The following TENM3 variants were observed in gnomAD, a reference collection of about 807,000 sequenced individuals.
TENM3 encodes teneurin-3.
A neutral mutation model predicts 255.1 loss-of-function variants in TENM3; 63 were observed. That is an observed-to-expected ratio of 0.25 (90% CI 0.20 to 0.30). The LOEUF (loss-of-function observed/expected upper bound fraction) is 0.30, where lower values mean the gene tolerates loss of function less well. Among genes scored for constraint, TENM3 ranks in the 10% least tolerant of loss-of-function variants. TENM3 has a pLI of 1.00. For missense variants in TENM3, 2,929 were observed against 3,461.1 expected (o/e 0.85, Z 3.86); for synonymous variants, 1,306 against 1,322.3 (o/e 0.99, Z 0.27).
At chr4:182,530,997 T>A (rs1713265736) in intron 3 of TENM3, among the ~76,000 whole-genome samples, 2 of 152,126 alleles carry the variant, frequency 1.3e-5, no homozygotes, top group South Asian at 4.1e-4. Context: ...AGTCTGTTGC[T>A]CAAGGGAGAG....
At chr4:182,147,113 G>A (rs1750022861) in intron 1 of TENM3, among the ~76,000 whole-genome samples, 2 of 152,184 alleles carry the variant, frequency 1.3e-5, no homozygotes, top group Admixed American at 1.3e-4. Flanking sequence ...CAGTTAGTAA[G>A]TTCAAGCTAC....
chr4:181,835,878 A>T, the TENM3 span, among the ~76,000 whole-genome samples: 1 of 152,184 alleles, frequency 6.6e-6, no homozygotes, highest in Non-Finnish European at 1.5e-5. Context: ...CAACAGTGGG[A>T]ACATTTTTTT....
chr4:181,553,260 AGTGTGTGT>A, the TENM3 span, among the ~76,000 whole-genome samples: 7,539 of 133,482 alleles, frequency 0.056, 246 homozygotes, highest in Non-Finnish European at 0.07. Flanking sequence ...ATAGTCATTA[AGTGTGTGT>A]GTGTGTGTGT....
In TENM3 at chr4:182,549,628, GC is replaced by G. The variant is rs542626276; in HGVS notation, c.512-51294del. 7.1e-4 allele frequency among the ~76,000 whole-genome samples: 108 copies of G among 152,208 alleles called. 1 individual carries two copies. Among genetic ancestry groups the G allele is most frequent in the African/African-American group, 2.5e-3 (103 of 41,542 alleles). On this transcript the variant is annotated intron_variant, in intron 3 of 27. Coordinates refer to ENST00000511685, the MANE Select transcript of TENM3 (RefSeq NM_001080477.4). ...AGGGCCCAGCACTTTTCACTGAGGAGCCTGCTTTTGAAGTGTTTTCTTTGCT... is the reference window on the plus strand; with the variant it reads ...AGGGCCCAGCACTTTTCACTGAGGAGCTGCTTTTGAAGTGTTTTCTTTGCT...
Position 182,381,386 on chromosome 4 carries a change from G to A in TENM3, c.511+34457G>A, listed in dbSNP as rs535018493. 2.4e-4 allele frequency among the ~76,000 whole-genome samples: 36 copies of A among 152,252 alleles called. 1 individual carries two copies. Among genetic ancestry groups the A allele is most frequent in the Admixed American group, 2.6e-4 (4 of 15,292 alleles). On this transcript the variant is annotated intron_variant, in intron 3 of 27. Transcript: ENST00000511685. ...AGACTCAGGATGTTAAGATGGTTTC[G>A]ATACTGGGATGAAGAGAAGATCAGT...
chr4:181,571,379 C>T, the TENM3 span, among the ~76,000 whole-genome samples: 66,968 of 152,002 alleles, frequency 0.44, 14,856 homozygotes, highest in Middle Eastern at 0.47. Context: ...CTCTGTTGCC[C>T]AGGCTGGAGT....
At chr4:181,652,794 CA>C in the TENM3 span, among the ~76,000 whole-genome samples, 1 of 152,062 alleles carries the variant, frequency 6.6e-6, no homozygotes, top group Non-Finnish European at 1.5e-5. Context: ...CATTCCTTTC[CA>C]CCCCCAAAAC....
At position 182,536,832 on chromosome 4, in the gene TENM3, AAGTTTAATTCATGTAATATT is replaced by A. The variant is rs1740378321; in HGVS notation, c.512-64089_512-64070del. Among the ~76,000 whole-genome samples, 4 of 152,218 alleles carry A rather than the reference AAGTTTAATTCATGTAATATT, an allele frequency of 2.6e-5. No individual in the cohort carries two copies. In the South Asian group the frequency reaches 8.3e-4, roughly 31 times the overall value. ...TGCCTCTCCTGGTGTCAGAAAGCTG[AAGTTTAATTCATGTAATATT>A]AGATATTTCATTTGTTTGTCAGATG... On this transcript the variant is annotated intron_variant, in intron 3 of 27. Coordinates refer to ENST00000511685, the MANE Select transcript of TENM3 (RefSeq NM_001080477.4).
the TENM3 span, among the ~76,000 whole-genome samples, chr4:181,763,591 C>A: frequency 1.1e-4 from 16 of 152,012 alleles, no homozygotes; most frequent in African/African-American, 3.6e-4. Flanking sequence ...GCAACAGAAC[C>A]ACACCTATCA....
chr4:182,453,675 A>G (rs192580560), intron 3 of TENM3, among the ~76,000 whole-genome samples: 64 of 152,312 alleles, frequency 4.2e-4, no homozygotes, highest in African/African-American at 1.4e-3. Flanking sequence ...TGGTTTGTGC[A>G]CAGTGCCTTT....
chr4:181,624,092 A>G, the TENM3 span, among the ~76,000 whole-genome samples: 1 of 152,212 alleles, frequency 6.6e-6, no homozygotes, highest in Admixed American at 6.5e-5. Flanking sequence ...TATCTGTCAC[A>G]TAACCAGCCT....
chr4:181,660,578 G>C, the TENM3 span, among the ~76,000 whole-genome samples: 1 of 152,078 alleles, frequency 6.6e-6, no homozygotes, highest in African/African-American at 2.4e-5. Context: ...GATATTATCT[G>C]GTAATTTAGT....
At chr4:181,974,555 G>A in the TENM3 span, among the ~76,000 whole-genome samples, 4 of 151,016 alleles carry the variant, frequency 2.6e-5, no homozygotes, top group Admixed American at 1.3e-4. Flanking sequence ...GCAACAGAGC[G>A]AGACTCCATC....
intron 22 of TENM3, among the ~76,000 whole-genome samples, chr4:182,759,648 C>A (rs1762984809): frequency 6.6e-6 from 1 of 152,190 alleles, no homozygotes; most frequent in African/African-American, 2.4e-5. Context: ...GTGTTAAACA[C>A]AGAAAACTTT....
chr4:182,188,644 A>G (rs1341607665), intron 1 of TENM3, among the ~76,000 whole-genome samples: 2 of 152,198 alleles, frequency 1.3e-5, no homozygotes, highest in Non-Finnish European at 2.9e-5. Context: ...TAAATGAGTG[A>G]GTAAAAGTGG....
the TENM3 span, among the ~76,000 whole-genome samples, chr4:182,057,724 G>T: frequency 3.9e-5 from 6 of 151,930 alleles, no homozygotes; most frequent in Non-Finnish European, 1.5e-5. Flanking sequence ...TTCACCTCTG[G>T]CTGGTCATGT....
chr4:182,370,360 A>G (rs1766723319), intron 3 of TENM3, among the ~76,000 whole-genome samples: 1 of 152,212 alleles, frequency 6.6e-6, no homozygotes, highest in African/African-American at 2.4e-5. Context: ...CCTATCGCCT[A>G]CAGAGCTATT....
the TENM3 span, among the ~76,000 whole-genome samples, chr4:182,057,981 C>A: frequency 6.6e-6 from 1 of 151,914 alleles, no homozygotes; most frequent in African/African-American, 2.4e-5. Flanking sequence ...ATGTCATTGA[C>A]CATGTTAAAT....
intron 22 of TENM3, among the ~76,000 whole-genome samples, chr4:182,766,636 T>C (rs10017238): frequency 0.17 from 25,940 of 152,064 alleles, 2,642 homozygotes; most frequent in East Asian, 0.32. Context: ...TCTGTGACCA[T>C]CTATCACTAT....
Sources: gnomAD v4.1 joint callset for allele counts (sites outside exome capture counted in the v4.1 genomes callset) on GRCh38, gnomAD v4.1.1 for gene constraint, MANE v1.5 for transcripts, NCBI Gene and HGNC (gene_info 2026-07-23, HGNC 2026-07-21) for gene names.